Variants in EDN2 observed in about 807,000 individuals in gnomAD.
EDN2 encodes the protein endothelin-2.
Under a neutral mutation model 19.9 loss-of-function variants are expected in EDN2, and 10 were observed. The observed-to-expected ratio is 0.50, with a 90% CI of 0.31 to 0.85. The LOEUF (loss-of-function observed/expected upper bound fraction) is 0.85. EDN2 is among the 40% of genes least tolerant of loss of function. The pLI is 0.05. For missense variants in EDN2, 222 were observed against 239.3 expected (o/e 0.93, Z 0.48); for synonymous variants, 84 against 94.9 (o/e 0.89, Z 0.67).
chr1:41,482,337 G>T, intron 3 of EDN2, 129 bp downstream of exon 3: 1 of 1,145,978 alleles, frequency 8.7e-7, no homozygotes, highest in Admixed American at 4.0e-5. Flanking sequence ...GCAGCCTGTG[G>T]GCCCCTGGGT....
rs11572364 is a variant in EDN2, at chr1:41,481,197, C to A, written c.345-4G>T. ...TGGGACTGCCCCGGCTTCAGTCCTA[C>A]GTGAATAGCATTAGGGCCCAAGTGA... On this transcript the variant is annotated splice_polypyrimidine_tract_variant and splice_region_variant and intron_variant, in intron 3 of 4. Transcript: ENST00000372587. The A allele has an allele frequency of 1.5e-5, 24 of 1,613,110 alleles. No homozygotes were observed. Among genetic ancestry groups the A allele is most frequent in the African/African-American group, 1.3e-5 (1 of 74,916 alleles).
At position 41,479,447 on chromosome 1, in the gene EDN2, C is replaced by T. The variant is rs113626781; in HGVS notation, c.499G>A (p.Glu167Lys). 4 of 1,614,200 alleles carry T rather than the reference C, an allele frequency of 2.5e-6. No individual in the cohort carries two copies. The African/African-American group carries it at 4.0e-5, about 16-fold the overall frequency. The change falls in exon 5 of 5, where the codon GAG becomes AAG. Residue 167 changes from glutamate to lysine, a missense_variant. Coordinates refer to ENST00000372587, the MANE Select transcript of EDN2 (RefSeq NM_001956.5). ...CACCTGGAATGTGTGGACCGAGGCT[C>T]CCGCATGGCCTCCTGTTGTCGCTTG... is the stretch of plus-strand genomic sequence containing the variant. ...FAKRQQEAMR[E>K]PRSTHSRWRK...
intron 3 of EDN2, among the ~76,000 whole-genome samples, chr1:41,481,548 T>TG (rs1644247818): frequency 6.6e-6 from 1 of 150,778 alleles, no homozygotes; most frequent in Non-Finnish European, 1.5e-5. Context: ...TGGGATTTTT[T>TG]TTTTTTTTGA....
At chr1:41,480,723 G>A in intron 4 of EDN2, 1 of 476,294 alleles carries the variant, frequency 2.1e-6, no homozygotes, top group Non-Finnish European at 4.2e-6. Flanking sequence ...GGGAGGAGAT[G>A]CAATCTGGGC....
intron 4 of EDN2, among the ~76,000 whole-genome samples, chr1:41,480,246 C>T (rs1490025424): frequency 1.3e-5 from 2 of 152,210 alleles, no homozygotes; most frequent in African/African-American, 4.8e-5. Context: ...ATCCCACCAT[C>T]CTGCCTTTTC....
rs1412465641 is a variant in EDN2, at chr1:41,484,032, C to T, written c.221+15G>A. ...CCCAGAGCTCCCCCTGCCCCCAATC[C>T]CCATGGATGCTCACTCAGGAGTGTT... is the stretch of plus-strand genomic sequence containing the variant. On this transcript the variant is annotated intron_variant, in intron 2 of 4. Coordinates refer to ENST00000372587, the MANE Select transcript of EDN2 (RefSeq NM_001956.5). 3 of 1,585,904 alleles carry T rather than the reference C, an allele frequency of 1.9e-6. No individual in the cohort carries two copies. The highest frequency in any genetic ancestry group is 1.7e-6 in the Non-Finnish European group (2 of 1,164,928).
At chr1:41,484,435 C>T in intron 1 of EDN2, 103 bp downstream of exon 1, 1 of 1,461,084 alleles carries the variant, frequency 6.8e-7, no homozygotes, top group South Asian at 1.3e-5. Context: ...GCTCCCGCCC[C>T]TGTCTGCCCC....
chr1:41,479,290 A>G lies in EDN2; in HGVS notation c.*119T>C. The G allele has an allele frequency of 1.1e-6, 1 of 887,192 alleles. No homozygotes were observed. The highest frequency in any genetic ancestry group is 1.8e-6 in the Non-Finnish European group (1 of 546,464). 55.0% of individuals were successfully genotyped at this position (887,192 alleles called of 1,614,324 possible). On this transcript the variant is annotated 3_prime_UTR_variant, in exon 5 of 5. Transcript: ENST00000372587. Reference sequence around the variant, plus strand: ...TGTGCCAATCCTGGCAAATGGGTCCAGCTGTCTGGGACCAAGGCCCCGGTC... The same window carrying G: ...TGTGCCAATCCTGGCAAATGGGTCCGGCTGTCTGGGACCAAGGCCCCGGTC...
At chr1:41,480,843 C>T (rs2149037268) in intron 4 of EDN2, 1 of 651,542 alleles carries the variant, frequency 1.5e-6, no homozygotes, top group Non-Finnish European at 2.8e-6. Flanking sequence ...CAGTCATGAG[C>T]CTTCAAACCC....
chr1:41,481,477 G>A (rs1277586206), intron 3 of EDN2, among the ~76,000 whole-genome samples: 2 of 152,226 alleles, frequency 1.3e-5, no homozygotes, highest in Admixed American at 6.5e-5. Flanking sequence ...AGGCAGGGGC[G>A]GGGCCTCAGC....
chr1:41,479,789 G>A (rs1644231907), intron 4 of EDN2, among the ~76,000 whole-genome samples: 1 of 152,214 alleles, frequency 6.6e-6, no homozygotes, highest in African/African-American at 2.4e-5. Flanking sequence ...TGGGTCTCCC[G>A]TCATCTGCCT....
chr1:41,481,128 CCT>C lies in EDN2; in HGVS notation c.408_409del (p.Ala138HisfsTer44), dbSNP rs2149037409. The stretch of plus-strand genomic sequence containing the variant: ...TTGGAGAAGCTCTCCTGTAGTGGCC[CCT>C]GTCTTGCCAGTCTGGAACACGTCTG... On this transcript the variant is annotated frameshift_variant, in exon 4 of 5. Coordinates refer to ENST00000372587, the MANE Select transcript of EDN2 (RefSeq NM_001956.5). LOFTEE classifies it low-confidence loss of function (END_TRUNC). The C allele has an allele frequency of 6.2e-7, 1 of 1,614,118 alleles. No homozygotes were observed. The highest frequency in any genetic ancestry group is 1.3e-5 in the African/African-American group (1 of 75,064).
chr1:41,481,235 G>A (rs1020961612), intron 3 of EDN2, 42 bp from the exon 4 acceptor site: 3 of 1,569,036 alleles, frequency 1.9e-6, no homozygotes, highest in African/African-American at 2.7e-5. Context: ...GACTGCCCAG[G>A]GCCCTGAAGC....
In EDN2 at chr1:41,479,278, G is replaced by A; in HGVS notation, c.*131C>T. 2.4e-6 allele frequency: 2 copies of A among 819,618 alleles called. No individual in the cohort carries two copies. Among genetic ancestry groups the A allele is most frequent in the South Asian group, 1.4e-5 (1 of 69,304 alleles). The allele number at this position is 819,618 out of a possible 1,614,324, so 50.8% of individuals were successfully genotyped here. A position where few individuals can be genotyped will look rare whatever the true frequency, so the allele number is the denominator to read the frequency against. On this transcript the variant is annotated 3_prime_UTR_variant, in exon 5 of 5. Coordinates refer to ENST00000372587, the MANE Select transcript of EDN2 (RefSeq NM_001956.5). ...CACCAGGGAGCTTGTGCCAATCCTG[G>A]CAAATGGGTCCAGCTGTCTGGGACC... is the stretch of plus-strand genomic sequence containing the variant.
intron 1 of EDN2, 99 bp downstream of exon 1, chr1:41,484,439 C>A: frequency 6.8e-7 from 1 of 1,467,334 alleles, no homozygotes; most frequent in Non-Finnish European, 9.2e-7. Flanking sequence ...CCGCCCCTGT[C>A]TGCCCCCAGC....
chr1:41,484,549 G>A lies in EDN2; in HGVS notation c.53C>T (p.Ala18Val). 6.4e-7 allele frequency: 1 copy of A among 1,556,348 alleles called. No homozygotes were observed. Among genetic ancestry groups the A allele is most frequent in the Non-Finnish European group, 8.7e-7 (1 of 1,149,920 alleles). Reference sequence around the variant, plus strand: ...CCAGGGCAGCTCACCTTCATGCAGGGCCACGAGCAGGGCTAGCGCAACGGA... The same window carrying A: ...CCAGGGCAGCTCACCTTCATGCAGGACCACGAGCAGGGCTAGCGCAACGGA... ...WCSVALALLV[A>V]LHEGKGQAAA... Residue 18 changes from alanine (A) to valine (V), a missense_variant, in exon 1 of 5, where the codon GCC becomes GTC. Transcript: ENST00000372587.
At chr1:41,482,360 C>G in intron 3 of EDN2, 106 bp downstream of exon 3, 2 of 1,351,314 alleles carry the variant, frequency 1.5e-6, no homozygotes, top group Non-Finnish European at 1.9e-6. Context: ...CTTCTCACCC[C>G]CAACTTGCCA....
intron 4 of EDN2, 86 bp downstream of exon 4, chr1:41,481,009 C>G: frequency 8.5e-7 from 1 of 1,173,174 alleles, no homozygotes; most frequent in African/African-American, 1.5e-5. Context: ...CCAATGAGGA[C>G]CCAGGCCTGC....
chr1:41,483,855 G>T, intron 2 of EDN2, 192 bp downstream of exon 2: 1 of 599,824 alleles, frequency 1.7e-6, no homozygotes. Flanking sequence ...ATTCTCAGAA[G>T]ACAGCCCTCT....
Sources: allele counts gnomAD v4.1 joint callset (sites outside exome capture counted in the v4.1 genomes callset), GRCh38; gene constraint gnomAD v4.1.1; transcripts MANE v1.5; gene names NCBI Gene and HGNC (gene_info 2026-07-23, HGNC 2026-07-21).